Variants in CASK observed in about 807,000 individuals in gnomAD.
CASK encodes the protein calcium/calmodulin dependent serine protein kinase, also known as peripheral plasma membrane protein CASK.
A neutral mutation model predicts 82.9 loss-of-function variants in CASK; 4 were observed. The ratio of observed to expected loss-of-function variants is 0.05; its 90% CI spans 0.02 to 0.11. The LOEUF (loss-of-function observed/expected upper bound fraction) is 0.11, where lower values mean the gene tolerates loss of function less well. CASK is among the 10% of genes least tolerant of loss of function. The probability of loss-of-function intolerance (pLI) is 1.00; values close to 1 mark genes in which losing one functional copy is unlikely to be tolerated. For synonymous variants in CASK, 259 were observed against 253.5 expected (o/e 1.02, Z -0.20); for missense variants, 358 against 720.9 (o/e 0.50, Z 5.76).
chrX:41,855,978 T>C (rs1194655641), intron 1 of CASK, among the ~76,000 whole-genome samples: 1 of 112,399 alleles, frequency 8.9e-6, no homozygotes, highest in African/African-American at 3.2e-5. Flanking sequence ...CAGAATATGT[T>C]AGAAGTGAAT....
At chrX:41,741,618 GACC>G (rs2068599036) in intron 4 of CASK, among the ~76,000 whole-genome samples, 2 of 111,674 alleles carry the variant, frequency 1.8e-5, no homozygotes, top group African/African-American at 6.5e-5. Context: ...TCAATTACTT[GACC>G]CAAACGTATG....
intron 6 of CASK, among the ~76,000 whole-genome samples, chrX:41,667,704 T>A (rs1479137726): frequency 9.0e-6 from 1 of 111,453 alleles, no homozygotes; most frequent in Non-Finnish European, 1.9e-5. Flanking sequence ...GGATTACAGG[T>A]GTGAGTCACA....
intron 2 of CASK, among the ~76,000 whole-genome samples, chrX:41,808,719 T>C (rs2070192177): frequency 8.9e-6 from 1 of 111,831 alleles, no homozygotes. Context: ...TGTCGGACAG[T>C]GGGTGCAGGA....
At chrX:41,693,630 C>T (rs2067622131) in intron 5 of CASK, among the ~76,000 whole-genome samples, 1 of 111,274 alleles carries the variant, frequency 9.0e-6, no homozygotes, top group Admixed American at 9.6e-5. Flanking sequence ...CAAAACAAAA[C>T]AAACAAACAA....
chrX:41,844,490 T>C (rs750474040), intron 2 of CASK, among the ~76,000 whole-genome samples: 2 of 111,953 alleles, frequency 1.8e-5, no homozygotes, highest in African/African-American at 6.5e-5. Flanking sequence ...TCTAATTAAG[T>C]GGCATACAAT....
chrX:41,747,028 AATAT>A (rs1188820321), intron 3 of CASK, among the ~76,000 whole-genome samples: 4 of 111,139 alleles, frequency 3.6e-5, no homozygotes, highest in Non-Finnish European at 7.5e-5. Flanking sequence ...AACAAGAAAA[AATAT>A]ATTTATACTT....
chrX:41,728,902 C>G (rs1186694889), intron 5 of CASK: 2 of 123,067 alleles, frequency 1.6e-5, no homozygotes, highest in African/African-American at 3.3e-5. Context: ...TGGGGAGAAG[C>G]AATATTCATT....
At chrX:41,581,487 AATTCAATGTTAAATCCTCATGTT>A (rs2065579411) in intron 14 of CASK, among the ~76,000 whole-genome samples, 1 of 110,883 alleles carries the variant, frequency 9.0e-6, no homozygotes, top group African/African-American at 3.3e-5. Context: ...AGTGTTGGGT[AATTCAATGTTAAATCCTCATGTT>A]ATAATAATCA....
At chrX:41,748,127 G>A in intron 3 of CASK, 1 of 111,618 alleles carries the variant, frequency 9.0e-6, no homozygotes, top group Non-Finnish European at 1.9e-5. Flanking sequence ...ATGAGAGAGG[G>A]GTTAGGAAAA....
chrX:41,592,220 CG>C lies in CASK; in HGVS notation c.1156-2629del, dbSNP rs1194488239. Reference sequence around the variant, plus strand: ...TGGGTGACAGAGCAAGACTTTGTCTCGAAAAAAAAAAAAAAAAAATCTCAAA... The same window carrying C: ...TGGGTGACAGAGCAAGACTTTGTCTCAAAAAAAAAAAAAAAAAATCTCAAA... On this transcript the variant is annotated intron_variant, in intron 12 of 26. Transcript: ENST00000378163. 1.0e-4 allele frequency among the ~76,000 whole-genome samples: 9 copies of C among 87,515 alleles called. No individual in the cohort carries two copies. The East Asian group carries it at 1.0e-3, about 10-fold the overall frequency. 76.0% of individuals were successfully genotyped at this position (87,515 alleles called of 115,157 possible). A position where few individuals can be genotyped will look rare whatever the true frequency, so the allele number is the denominator to read the frequency against.
chrX:41,820,622 T>C (rs112874782), intron 2 of CASK, among the ~76,000 whole-genome samples: 433 of 111,036 alleles, frequency 3.9e-3, no homozygotes, highest in African/African-American at 0.013. Context: ...AATCAAAATC[T>C]CATGCTTCAT....
intron 8 of CASK, among the ~76,000 whole-genome samples, chrX:41,653,709 T>C (rs2066895829): frequency 8.9e-6 from 1 of 112,380 alleles, no homozygotes; most frequent in African/African-American, 3.2e-5. Flanking sequence ...GTGAAGAAAT[T>C]GTCTCATTTC....
At chrX:41,527,270 T>C (rs2064728895) in intron 25 of CASK, among the ~76,000 whole-genome samples, 3 of 108,056 alleles carry the variant, frequency 2.8e-5, no homozygotes, top group African/African-American at 1.0e-4. Flanking sequence ...TGTGTGTGTG[T>C]GTAGAGAGAG....
At chrX:41,822,609 G>A (rs186384571) in intron 2 of CASK, among the ~76,000 whole-genome samples, 2 of 108,123 alleles carry the variant, frequency 1.8e-5, no homozygotes, top group African/African-American at 6.8e-5. Context: ...AAAAATGCAG[G>A]CTTGCTTAGA....
chrX:41,641,624 C>T (rs1043801623), intron 8 of CASK, among the ~76,000 whole-genome samples: 1 of 111,796 alleles, frequency 8.9e-6, no homozygotes, highest in Non-Finnish European at 1.9e-5. Flanking sequence ...TGGTCTAACA[C>T]TCAAATTCTT....
chrX:41,892,634 CA>C (rs2072195546), intron 1 of CASK, among the ~76,000 whole-genome samples: 3 of 111,634 alleles, frequency 2.7e-5, no homozygotes, highest in Admixed American at 1.9e-4. Context: ...CATACCCGGC[CA>C]AAAGGTTCTA....
At chrX:41,543,899 A>G in intron 21 of CASK, among the ~76,000 whole-genome samples, 1 of 112,407 alleles carries the variant, frequency 8.9e-6, no homozygotes, top group Non-Finnish European at 1.9e-5. Flanking sequence ...TTTAGCCATC[A>G]TGGTGGATGA....
chrX:41,776,307 T>C (rs1363403338), intron 3 of CASK, among the ~76,000 whole-genome samples: 1 of 112,500 alleles, frequency 8.9e-6, no homozygotes, highest in Non-Finnish European at 1.9e-5. Context: ...AGAGCACCCA[T>C]GTATATGCAG....
chrX:41,711,745 A>G (rs900276897), intron 5 of CASK, among the ~76,000 whole-genome samples: 1 of 110,811 alleles, frequency 9.0e-6, no homozygotes, highest in East Asian at 2.8e-4. Flanking sequence ...CCTTTTCTGC[A>G]TACTCACAAA....
Sources: allele counts gnomAD v4.1 joint callset (sites outside exome capture counted in the v4.1 genomes callset), GRCh38; gene constraint gnomAD v4.1.1; transcripts MANE v1.5; gene names NCBI Gene and HGNC (gene_info 2026-07-23, HGNC 2026-07-21).